Variants in RALGAPA1 observed in about 807,000 individuals in gnomAD.
RALGAPA1 encodes Ral GTPase activating protein catalytic subunit alpha 1.
RALGAPA1 carries 52 observed loss-of-function variants against 269.6 expected under a neutral mutation model. The ratio of observed to expected loss-of-function variants is 0.19; its 90% CI spans 0.15 to 0.24. The LOEUF is 0.24. RALGAPA1 is among the 10% of genes least tolerant of loss of function. RALGAPA1 has a pLI of 1.00. For missense variants in RALGAPA1, 1,917 were observed against 3,013.9 expected, an observed-to-expected ratio of 0.64 and a Z score of 8.52; for synonymous variants, 817 against 1,008.3, an observed-to-expected ratio of 0.81 and a Z score of 3.60.
intron 10 of RALGAPA1, 81 bp downstream of exon 10, chr14:35,748,504 G>A (rs2072350832): frequency 6.9e-7 from 1 of 1,449,034 alleles, no homozygotes; most frequent in South Asian, 1.5e-5. Flanking sequence ...ACACACCACT[G>A]TTCCCAGCTA....
At chr14:35,645,995 A>G (rs2062413240) in intron 31 of RALGAPA1, among the ~76,000 whole-genome samples, 1 of 152,172 alleles carries the variant, frequency 6.6e-6, no homozygotes, top group Non-Finnish European at 1.5e-5. Context: ...AGACATTTTG[A>G]GCACCAAAAT....
At chr14:35,678,768 A>G (rs1263167479) in intron 21 of RALGAPA1, among the ~76,000 whole-genome samples, 1 of 152,122 alleles carries the variant, frequency 6.6e-6, no homozygotes, top group Non-Finnish European at 1.5e-5. Flanking sequence ...ACTTGTATTT[A>G]TTAGAGTATT....
chr14:35,708,434 T>C (rs1670663874), intron 16 of RALGAPA1, among the ~76,000 whole-genome samples: 1 of 152,094 alleles, frequency 6.6e-6, no homozygotes. Flanking sequence ...CAATTAAAAA[T>C]GGACAAAAGA....
At chr14:35,694,914 C>G (rs374644874) in intron 17 of RALGAPA1, among the ~76,000 whole-genome samples, 1 of 151,658 alleles carries the variant, frequency 6.6e-6, no homozygotes, top group African/African-American at 2.4e-5. Context: ...CCATCTCTAC[C>G]AAAAATTAAA....
At chr14:35,763,549 T>C (rs1445432967) in intron 4 of RALGAPA1, among the ~76,000 whole-genome samples, 1 of 152,154 alleles carries the variant, frequency 6.6e-6, no homozygotes, top group Non-Finnish European at 1.5e-5. Context: ...ATGTTACTTT[T>C]CACATCCAAC....
In RALGAPA1 at chr14:35,595,710, G is replaced by A; in HGVS notation, c.7133C>T (p.Ala2378Val). The change falls in exon 37 of 42, where the codon GCT (alanine) becomes GTT (valine). Residue 2378 changes from alanine (A) to valine (V), a missense_variant. Physicochemically the swap from Ala to Val is moderately conservative, Grantham distance 64 (BLOSUM62 0). This residue lies in a region of RALGAPA1 where 132 missense variants were observed against 271.2 expected (regional missense o/e 0.49). Transcript: ENST00000680220. ...KSTGLTTPYF[A>V]TSTVEVIFHV... ...AAATATTACCTCTACTGTAGAGGTA[G>A]CAAAATATGGAGTGGTCAATCCAGT... is the stretch of plus-strand genomic sequence containing the variant. The A allele has an allele frequency of 6.2e-7, 1 of 1,609,412 alleles. No homozygotes were observed. Among genetic ancestry groups the A allele is most frequent in the Non-Finnish European group, 8.5e-7 (1 of 1,175,944 alleles).
At chr14:35,625,460 C>T in intron 34 of RALGAPA1, 28 bp from the exon 35 acceptor site, 1 of 1,520,166 alleles carries the variant, frequency 6.6e-7, no homozygotes, top group South Asian at 1.2e-5. Context: ...TAAACATTTT[C>T]ATCACCTTTG....
intron 6 of RALGAPA1, among the ~76,000 whole-genome samples, chr14:35,757,310 G>A (rs2073268700): frequency 1.3e-5 from 2 of 151,712 alleles, no homozygotes; most frequent in South Asian, 4.2e-4. Context: ...TTAGTAGACG[G>A]GGTTTCACCA....
At chr14:35,603,915 A>G (rs1000473375) in intron 36 of RALGAPA1, among the ~76,000 whole-genome samples, 2 of 152,094 alleles carry the variant, frequency 1.3e-5, no homozygotes, top group Non-Finnish European at 2.9e-5. Context: ...GATAGAAGGA[A>G]TAAGTCCTAC....
intron 12 of RALGAPA1, among the ~76,000 whole-genome samples, chr14:35,729,364 A>G (rs1204288731): frequency 6.6e-6 from 1 of 152,124 alleles, no homozygotes; most frequent in African/African-American, 2.4e-5. Flanking sequence ...AAAAAAGCAC[A>G]CATTCATTGA....
At chr14:35,745,544 T>A (rs922464962) in intron 10 of RALGAPA1, among the ~76,000 whole-genome samples, 1 of 150,706 alleles carries the variant, frequency 6.6e-6, no homozygotes, top group Non-Finnish European at 1.5e-5. Context: ...GGCGGGCAGA[T>A]CACGAGGTCA....
At chr14:35,670,817 A>G (rs1012014419) in intron 26 of RALGAPA1, among the ~76,000 whole-genome samples, 18 of 151,856 alleles carry the variant, frequency 1.2e-4, no homozygotes, top group African/African-American at 4.4e-4. Context: ...CAGCTATTGA[A>G]GAGGCTGAGG....
At chr14:35,734,182 T>C (rs149020401) in intron 12 of RALGAPA1, among the ~76,000 whole-genome samples, 2 of 152,250 alleles carry the variant, frequency 1.3e-5, no homozygotes, top group African/African-American at 4.8e-5. Flanking sequence ...ACTATAATTC[T>C]TCACAGAATT....
intron 39 of RALGAPA1, among the ~76,000 whole-genome samples, chr14:35,560,092 G>A (rs1307780185): frequency 6.6e-6 from 1 of 152,188 alleles, no homozygotes; most frequent in Admixed American, 6.5e-5. Context: ...ATTTTGGAAA[G>A]GCTTCGCTAG....
intron 30 of RALGAPA1, among the ~76,000 whole-genome samples, chr14:35,654,099 A>G (rs1771849099): frequency 6.6e-6 from 1 of 152,174 alleles, no homozygotes; most frequent in Non-Finnish European, 1.5e-5. Context: ...TAGTCTCCCA[A>G]AGTGCCTGGA....
At chr14:35,673,248 C>A (rs2140262514) in intron 24 of RALGAPA1, among the ~76,000 whole-genome samples, 1 of 152,196 alleles carries the variant, frequency 6.6e-6, no homozygotes, top group South Asian at 2.1e-4. Flanking sequence ...CCAAACATAT[C>A]AATACTTAAA....
At chr14:35,544,088 A>G (rs1438900832) in intron 41 of RALGAPA1, among the ~76,000 whole-genome samples, 3 of 152,192 alleles carry the variant, frequency 2.0e-5, no homozygotes, top group African/African-American at 4.8e-5. Context: ...CAAAGGAAAA[A>G]ATTGGGAGAA....
chr14:35,637,844 A>C (rs1205893789), intron 31 of RALGAPA1, among the ~76,000 whole-genome samples: 2 of 152,252 alleles, frequency 1.3e-5, no homozygotes, highest in Admixed American at 1.3e-4. Context: ...ATAACATACA[A>C]TGGAGCTCCA....
chr14:35,644,146 A>G (rs2062220339), intron 31 of RALGAPA1, among the ~76,000 whole-genome samples: 1 of 152,118 alleles, frequency 6.6e-6, no homozygotes, highest in Admixed American at 6.5e-5. Context: ...TATCCCATGC[A>G]CTCCATAAAT....
Sources: allele counts gnomAD v4.1 joint callset (sites outside exome capture counted in the v4.1 genomes callset), GRCh38; gene constraint gnomAD v4.1.1; regional missense constraint gnomAD v4.1.1; transcripts MANE v1.5; gene names NCBI Gene and HGNC (gene_info 2026-07-23, HGNC 2026-07-21).